MINDY4: variants seen among roughly 807,000 people sequenced by gnomAD.
MINDY4 encodes the protein MINDY lysine 48 deubiquitinase 4.
In MINDY4, 68 loss-of-function variants were observed where a neutral mutation model predicts 87.0. The ratio of observed to expected loss-of-function variants is 0.78; its 90% confidence interval spans 0.64 to 0.96. The LOEUF (loss-of-function observed/expected upper bound fraction) is 0.96. Among genes scored for constraint, MINDY4 ranks in the 40% least tolerant of loss-of-function variants. The pLI is 0.00. For synonymous variants in MINDY4, 379 were observed against 363.2 expected (o/e 1.04, Z -0.50); for missense variants, 919 against 928.2 (o/e 0.99, Z 0.13).
At chr7:30,828,599 C>T (rs1287900767) in intron 5 of MINDY4, 80 bp from the exon 6 acceptor site, 4 of 1,413,794 alleles carry the variant, frequency 2.8e-6, no homozygotes, top group Admixed American at 1.7e-5. Flanking sequence ...AATGCCTATC[C>T]ATCGCTCTTA....
intron 7 of MINDY4, among the ~76,000 whole-genome samples, chr7:30,837,797 A>C (rs796552391): frequency 2.0e-5 from 3 of 152,192 alleles, no homozygotes; most frequent in African/African-American, 7.2e-5. Context: ...GGCCTCTGGA[A>C]AGCAGAGTCC....
At chr7:30,890,905 A>G (rs182466075) in intron 17 of MINDY4, among the ~76,000 whole-genome samples, 1 of 152,272 alleles carries the variant, frequency 6.6e-6, no homozygotes, top group Non-Finnish European at 1.5e-5. Context: ...CACCCTTCTC[A>G]TCGCAGTTCC....
In MINDY4 at chr7:30,890,349, G is replaced by A. The variant is rs897100230; in HGVS notation, c.2226-1608G>A. On this transcript the variant is annotated intron_variant, in intron 17 of 17. Transcript: ENST00000265299. ...TGAACGTGACATCCTTACATTCCCC[G>A]ATGGTATGCACGATCTATCCTCACA... Among the ~76,000 whole-genome samples, 6 of 152,208 alleles carry A rather than the reference G, an allele frequency of 3.9e-5. No individual in the cohort carries two copies. In the South Asian group the frequency reaches 6.2e-4, roughly 16 times the overall value.
rs369957988 is a variant in MINDY4 at position 30,882,204 on chromosome 7, G to A, written c.1995G>A (p.Pro665=). The A allele has an allele frequency of 1.4e-5, 23 of 1,611,038 alleles. No individual in the cohort carries two copies. The highest frequency in any genetic ancestry group is 6.7e-5 in the Admixed American group (4 of 59,928). Residue 665 remains proline, a synonymous_variant, in exon 16 of 18, where the codon CCG becomes CCA. Transcript: ENST00000265299. ...AGGTTGGCTGCTTCCTGAAGACCCCGAGGTTCCCCATCTGGGTGGTTTGCA... is the reference window on the plus strand; with the variant it reads ...AGGTTGGCTGCTTCCTGAAGACCCCAAGGTTCCCCATCTGGGTGGTTTGCA... ...MCQVGCFLKT[P]RFPIWVVCSE... is the part of the protein sequence containing the mutation.
At chr7:30,827,687 G>A (rs545710446) in intron 5 of MINDY4, among the ~76,000 whole-genome samples, 9 of 152,246 alleles carry the variant, frequency 5.9e-5, no homozygotes, top group East Asian at 1.9e-4. Flanking sequence ...GTGTTCTAGC[G>A]CCAGTGAAAG....
At chr7:30,824,981 C>G (rs1441392085) in intron 5 of MINDY4, among the ~76,000 whole-genome samples, 4 of 122,408 alleles carry the variant, frequency 3.3e-5, no homozygotes, top group African/African-American at 1.9e-4. Context: ...ATGCCTCTCT[C>G]TGGGGGGCAT....
chr7:30,892,257 CT>C lies in MINDY4; in HGVS notation c.*253del. On this transcript the variant is annotated 3_prime_UTR_variant, in exon 18 of 18. Transcript: ENST00000265299. Reference sequence around the variant, plus strand: ...AGTACTGGAAGGAGGTTGCCAGGGTCTCTGCTACCTTTGTCTGCATCCCTCC... The same window carrying C: ...AGTACTGGAAGGAGGTTGCCAGGGTCCTGCTACCTTTGTCTGCATCCCTCC... 1 of 504,496 alleles carries C rather than the reference CT, an allele frequency of 2.0e-6. No individual in the cohort carries two copies. Among genetic ancestry groups the C allele is most frequent in the Non-Finnish European group, 3.5e-6 (1 of 283,450 alleles). The allele number at this position is 504,496 out of a possible 1,614,324, so 31.3% of individuals were successfully genotyped here.
At chr7:30,779,266 T>C (rs183630761) in intron 2 of MINDY4, among the ~76,000 whole-genome samples, 10 of 152,380 alleles carry the variant, frequency 6.6e-5, no homozygotes, top group African/African-American at 2.4e-4. Flanking sequence ...CAGTCTTTTT[T>C]GTTCACTATT....
At position 30,782,152 on chromosome 7, in the gene MINDY4, A is replaced by G. The variant is rs766855597; in HGVS notation, c.359A>G (p.Tyr120Cys). Reference protein sequence around the residue: ...RCSETTLVNIYDLSDEDAGWR... With the variant: ...RCSETTLVNICDLSDEDAGWR... ...TCAGAGACTACACTGGTAAATATATATGACCTTTCAGATGAAGATGCAGGA... is the reference window on the plus strand; with the variant it reads ...TCAGAGACTACACTGGTAAATATATGTGACCTTTCAGATGAAGATGCAGGA... The change falls in exon 3 of 18, where the codon TAT becomes TGT. Residue 120 changes from tyrosine (Y) to cysteine (C), a missense_variant. By Grantham distance (194) the Tyr-to-Cys change is radical. Transcript: ENST00000265299. 1.9e-6 allele frequency: 3 copies of G among 1,614,122 alleles called. No homozygotes were observed. The highest frequency in any genetic ancestry group is 1.7e-4 in the Middle Eastern group (1 of 6,060).
chr7:30,816,992 C>T lies in MINDY4; in HGVS notation c.1074-11687C>T, dbSNP rs778887798. Among the ~76,000 whole-genome samples the T allele has an allele frequency of 5.0e-4, 76 of 152,188 alleles. 2 individuals carry two copies. Among genetic ancestry groups the T allele is most frequent in the Admixed American group, 4.9e-3 (75 of 15,286 alleles). ...GCTACACATTGTGATAGTTAGTGCACGCGATGACTTCTCGATAACCCAACC... is the reference window on the plus strand; with the variant it reads ...GCTACACATTGTGATAGTTAGTGCATGCGATGACTTCTCGATAACCCAACC... On this transcript the variant is annotated intron_variant, in intron 5 of 17. Coordinates refer to ENST00000265299, the MANE Select transcript of MINDY4 (RefSeq NM_032222.3).
At chr7:30,828,412 A>G (rs373937023) in intron 5 of MINDY4, among the ~76,000 whole-genome samples, 13 of 152,086 alleles carry the variant, frequency 8.5e-5, no homozygotes, top group South Asian at 6.2e-4. Context: ...GCAAACGCCA[A>G]CCTACAGAGC....
Position 30,781,972 on chromosome 7 carries a change from G to A in MINDY4, c.184-5G>A, listed in dbSNP as rs1346069334. ...TAATGATTTTTTTTTCTCTCCCAAT[G>A]ATAGGCAAAGGAAAATCCTCTAAAA... On this transcript the variant is annotated splice_polypyrimidine_tract_variant and splice_region_variant and intron_variant, in intron 2 of 17. Transcript: ENST00000265299. 3 of 1,604,538 alleles carry A rather than the reference G, an allele frequency of 1.9e-6. No homozygotes were observed. Among genetic ancestry groups the A allele is most frequent in the Non-Finnish European group, 2.6e-6 (3 of 1,173,446 alleles).
chr7:30,871,766 G>C (rs1790113504), intron 13 of MINDY4, among the ~76,000 whole-genome samples: 1 of 152,200 alleles, frequency 6.6e-6, no homozygotes, highest in Admixed American at 6.5e-5. Context: ...CCTGGTGCAG[G>C]AGCAGGTGGT....
At position 30,791,192 on chromosome 7, in the gene MINDY4, C is replaced by T. The variant is rs200221932; in HGVS notation, c.691C>T (p.Arg231Trp). The T allele has an allele frequency of 3.0e-4, 478 of 1,613,612 alleles. 1 individual carries two copies. The highest frequency in any genetic ancestry group is 3.6e-4 in the Non-Finnish European group (429 of 1,179,694). ...TTCTTTTCACAGACACTATCTGAGA[C>T]GGTCCTCACCGTCAAGCAGCTCCAC... ...QDSFHRHYLR[R>W]SSPSSSSTQP... is the part of the protein sequence containing the mutation. Residue 231 changes from arginine to tryptophan, a missense_variant, in exon 5 of 18, where the codon CGG becomes TGG. Physicochemically the swap from Arg to Trp is moderately radical, Grantham distance 101. Coordinates refer to ENST00000265299, the MANE Select transcript of MINDY4 (RefSeq NM_032222.3).
At chr7:30,776,138 TTTA>T (rs1056009720) in intron 1 of MINDY4, among the ~76,000 whole-genome samples, 1 of 147,994 alleles carries the variant, frequency 6.8e-6, no homozygotes, top group African/African-American at 2.7e-5. Flanking sequence ...CCTCCTACAG[TTTA>T]TTTTCAACCT....
intron 15 of MINDY4, among the ~76,000 whole-genome samples, chr7:30,878,891 C>T (rs1459517848): frequency 6.6e-6 from 1 of 152,218 alleles, no homozygotes; most frequent in African/African-American, 2.4e-5. Flanking sequence ...TCAAGCCCAT[C>T]CACTTTCACC....
chr7:30,777,232 G>A (rs1271847872), intron 1 of MINDY4, among the ~76,000 whole-genome samples: 2 of 152,004 alleles, frequency 1.3e-5, no homozygotes, highest in Non-Finnish European at 2.9e-5. Context: ...GTAGGGGTGG[G>A]GTTTGTTAAA....
chr7:30,880,717 C>G (rs959363497), intron 15 of MINDY4, among the ~76,000 whole-genome samples: 1 of 152,174 alleles, frequency 6.6e-6, no homozygotes, highest in Non-Finnish European at 1.5e-5. Context: ...TGTAAGACAT[C>G]TAATTCCCCC....
chr7:30,849,524 T>C (rs1254239945), intron 9 of MINDY4, among the ~76,000 whole-genome samples: 2 of 152,220 alleles, frequency 1.3e-5, no homozygotes, highest in Non-Finnish European at 2.9e-5. Context: ...CCATTTTTAT[T>C]ATAGAGAGGT....
Sources: allele counts gnomAD v4.1 joint callset (sites outside exome capture counted in the v4.1 genomes callset), GRCh38; gene constraint gnomAD v4.1.1; transcripts MANE v1.5; gene names NCBI Gene and HGNC (gene_info 2026-07-23, HGNC 2026-07-21).